The following GALNTL6 variants were observed in gnomAD, a reference collection of about 807,000 sequenced individuals.
GALNTL6 encodes the protein polypeptide N-acetylgalactosaminyltransferase like 6, also known as polypeptide N-acetylgalactosaminyltransferase-like 6.
Under a neutral mutation model 73.7 loss-of-function variants are expected in GALNTL6, and 46 were observed. The observed-to-expected ratio is 0.62, with a 90% CI of 0.49 to 0.80. GALNTL6 has a LOEUF of 0.80. GALNTL6 is among the 30% of genes least tolerant of loss of function. The pLI, the probability that GALNTL6 is intolerant of heterozygous loss-of-function variation, is 0.00. For missense variants in GALNTL6, 604 were observed against 755.0 expected, an observed-to-expected ratio of 0.80 and a Z score of 2.34; for synonymous variants, 259 against 263.7, an observed-to-expected ratio of 0.98 and a Z score of 0.17.
At chr4:172,197,611 A>G (rs1196060462) in intron 2 of GALNTL6, among the ~76,000 whole-genome samples, 1 of 151,808 alleles carries the variant, frequency 6.6e-6, no homozygotes, top group African/African-American at 2.4e-5. Flanking sequence ...GTGGAACAGA[A>G]TAGAGCAGTC....
chr4:172,293,294 T>A (rs1438281516), intron 3 of GALNTL6, among the ~76,000 whole-genome samples: 1 of 152,142 alleles, frequency 6.6e-6, no homozygotes, highest in Non-Finnish European at 1.5e-5. Flanking sequence ...TGAATAAGAA[T>A]TCACCTTTCT....
At chr4:172,450,142 G>T (rs936691953) in intron 5 of GALNTL6, among the ~76,000 whole-genome samples, 1 of 151,690 alleles carries the variant, frequency 6.6e-6, no homozygotes, top group African/African-American at 2.4e-5. Flanking sequence ...GCTTGAACCC[G>T]GGAGGCAGAG....
At chr4:172,989,084 C>T (rs541481739) in intron 10 of GALNTL6, among the ~76,000 whole-genome samples, 3 of 152,192 alleles carry the variant, frequency 2.0e-5, no homozygotes, top group Admixed American at 6.5e-5. Context: ...GGCCACTGTC[C>T]TCTAGACATC....
At chr4:172,767,729 A>C (rs1738525018) in intron 5 of GALNTL6, among the ~76,000 whole-genome samples, 1 of 134,520 alleles carries the variant, frequency 7.4e-6, no homozygotes, top group Admixed American at 8.3e-5. Context: ...GCAATGAATG[A>C]CTCCATCTCA....
At chr4:172,542,877 G>A (rs540887122) in intron 5 of GALNTL6, among the ~76,000 whole-genome samples, 7 of 152,166 alleles carry the variant, frequency 4.6e-5, no homozygotes, top group Admixed American at 2.0e-4. Flanking sequence ...TGGATCACAA[G>A]GTCATGAGTT....
chr4:172,408,946 A>G (rs1327531463), intron 5 of GALNTL6, among the ~76,000 whole-genome samples: 1 of 152,128 alleles, frequency 6.6e-6, no homozygotes, highest in Non-Finnish European at 1.5e-5. Flanking sequence ...AGTTAGTAGC[A>G]AATGTTAGAA....
chr4:172,937,005 G>A (rs1561044047), intron 9 of GALNTL6, among the ~76,000 whole-genome samples: 1 of 151,858 alleles, frequency 6.6e-6, no homozygotes, highest in Non-Finnish European at 1.5e-5. Context: ...GAGCAGCCTG[G>A]GCATCTCTGG....
At chr4:172,075,473 TAC>T (rs1731674364) in intron 2 of GALNTL6, among the ~76,000 whole-genome samples, 1 of 152,072 alleles carries the variant, frequency 6.6e-6, no homozygotes, top group South Asian at 2.1e-4. Flanking sequence ...TAGCTGGGAC[TAC>T]AGGCGCCTGC....
At chr4:173,032,819 A>AT (rs111952863) in intron 12 of GALNTL6, among the ~76,000 whole-genome samples, 8,418 of 149,154 alleles carry the variant, frequency 0.056, 599 homozygotes, top group African/African-American at 0.16. Flanking sequence ...ATCAGGATTG[A>AT]TTTTTTTTTT....
rs576564074 is a variant in GALNTL6, at chr4:171,977,600, A to G, written c.138+162882A>G. 2.0e-5 allele frequency among the ~76,000 whole-genome samples: 3 copies of G among 152,198 alleles called. No homozygotes were observed. In the South Asian group the frequency reaches 6.2e-4, roughly 32 times the overall value. ...TATTGAATGAGGACCCACTCATTTT[A>G]ACTTTAAAGAGCCTATCTGTAATTA... On this transcript the variant is annotated intron_variant, in intron 2 of 12. Coordinates refer to ENST00000506823, the MANE Select transcript of GALNTL6 (RefSeq NM_001034845.3).
At chr4:172,253,538 A>T (rs1042889383) in intron 3 of GALNTL6, among the ~76,000 whole-genome samples, 1 of 151,954 alleles carries the variant, frequency 6.6e-6, no homozygotes, top group Non-Finnish European at 1.5e-5. Flanking sequence ...GAGAAATGAC[A>T]ATAGTGTGTA....
chr4:171,912,769 A>C (rs1737513039), intron 2 of GALNTL6, among the ~76,000 whole-genome samples: 1 of 152,148 alleles, frequency 6.6e-6, no homozygotes, highest in Admixed American at 6.5e-5. Context: ...CCACTTTTTC[A>C]GTTTCCACCT....
In GALNTL6 at chr4:172,689,907, A is replaced by T. The variant is rs558791778; in HGVS notation, c.554-119454A>T. ...CTTTCAGCTAAAGCTCGTGATTTTT[A>T]AAAAAAAATCAAAACCAGGATATAA... is the stretch of plus-strand genomic sequence containing the variant. On this transcript the variant is annotated intron_variant, in intron 5 of 12. Coordinates refer to ENST00000506823, the MANE Select transcript of GALNTL6 (RefSeq NM_001034845.3). 1.5e-3 allele frequency among the ~76,000 whole-genome samples: 211 copies of T among 145,244 alleles called. 1 individual carries two copies. The Middle Eastern group carries it at 0.02, about 14-fold the overall frequency.
Position 172,372,690 on chromosome 4 carries a change from CT to C in GALNTL6, c.553+24002del, listed in dbSNP as rs528299982. Among the ~76,000 whole-genome samples, 283 of 152,206 alleles carry C rather than the reference CT, an allele frequency of 1.9e-3. 1 individual carries two copies. The highest frequency in any genetic ancestry group is 3.4e-3 in the Non-Finnish European group (234 of 68,010). On this transcript the variant is annotated intron_variant, in intron 5 of 12. Transcript: ENST00000506823. Reference sequence around the variant, plus strand: ...GCAAAGCTGAAGTTTGAACTAGGGCCTGCTTTAAGGTTTTGAAGGCTGTTTC... The same window carrying C: ...GCAAAGCTGAAGTTTGAACTAGGGCCGCTTTAAGGTTTTGAAGGCTGTTTC...
chr4:172,890,479 G>C (rs1422531989), intron 8 of GALNTL6, among the ~76,000 whole-genome samples: 2 of 152,034 alleles, frequency 1.3e-5, no homozygotes, highest in Non-Finnish European at 2.9e-5. Flanking sequence ...AAGTTGTTTA[G>C]GTTCCATGTA....
rs191425910 is a variant in GALNTL6, at chr4:172,037,089, A to G, written c.139-192567A>G. On this transcript the variant is annotated intron_variant, in intron 2 of 12. Transcript: ENST00000506823. ...ATTGGCTGGCACTTGGCTATGGACT[A>G]TATGTATACATAAATTTAAAAAGCC... 2.5e-3 allele frequency among the ~76,000 whole-genome samples: 382 copies of G among 152,250 alleles called. 1 individual carries two copies. Among genetic ancestry groups the G allele is most frequent in the African/African-American group, 8.5e-3 (354 of 41,566 alleles).
At chr4:172,316,831 C>T (rs1181507931) in intron 4 of GALNTL6, among the ~76,000 whole-genome samples, 1 of 152,212 alleles carries the variant, frequency 6.6e-6, no homozygotes, top group East Asian at 1.9e-4. Flanking sequence ...AAGTCACAGA[C>T]ATTGCTGGAT....
chr4:172,837,593 G>C (rs1489696733), intron 7 of GALNTL6, among the ~76,000 whole-genome samples: 1 of 152,142 alleles, frequency 6.6e-6, no homozygotes, highest in Non-Finnish European at 1.5e-5. Context: ...AAAATTAGAA[G>C]AGAATAAGAG....
Position 171,882,488 on chromosome 4 carries a change from G to C in GALNTL6, c.138+67770G>C, listed in dbSNP as rs533938470. ...AGGCAGTCTGCAAGTTGAGGAGCAA[G>C]GAAGCCAGTGATGGATCAGTATGAA... is the stretch of plus-strand genomic sequence containing the variant. On this transcript the variant is annotated intron_variant, in intron 2 of 12. Transcript: ENST00000506823. Among the ~76,000 whole-genome samples, 3 of 152,362 alleles carry C rather than the reference G, an allele frequency of 2.0e-5. No individual in the cohort carries two copies. In the East Asian group the frequency reaches 5.8e-4, roughly 29 times the overall value.
Sources: allele counts gnomAD v4.1 joint callset (sites outside exome capture counted in the v4.1 genomes callset), GRCh38; gene constraint gnomAD v4.1.1; transcripts MANE v1.5; gene names NCBI Gene and HGNC (gene_info 2026-07-23, HGNC 2026-07-21).